Variants in NRXN3 observed in about 807,000 individuals in gnomAD.
NRXN3 encodes neurexin III.
Under a neutral mutation model 137.6 loss-of-function variants are expected in NRXN3, and 32 were observed. The observed-to-expected ratio is 0.23, with a 90% CI of 0.18 to 0.31. NRXN3 has a LOEUF of 0.31. Among genes scored for constraint, NRXN3 ranks in the 10% least tolerant of loss-of-function variants. NRXN3 has a pLI of 1.00. For missense variants in NRXN3, 1,574 were observed against 2,062.5 expected (o/e 0.76, Z 4.59); for synonymous variants, 798 against 784.5 (o/e 1.02, Z -0.29).
intron 14 of NRXN3, among the ~76,000 whole-genome samples, chr14:78,973,468 A>G (rs2153021138): frequency 6.6e-6 from 1 of 152,272 alleles, no homozygotes; most frequent in East Asian, 1.9e-4. Context: ...GGGAGACACT[A>G]ATGTCATTAA....
At chr14:79,813,532 G>A (rs1263693510) in intron 20 of NRXN3, among the ~76,000 whole-genome samples, 1 of 151,840 alleles carries the variant, frequency 6.6e-6, no homozygotes, top group Non-Finnish European at 1.5e-5. Context: ...CAAATACTGA[G>A]AGATATATAG....
chr14:79,253,509 G>A (rs1157500391), intron 15 of NRXN3, among the ~76,000 whole-genome samples: 1 of 152,136 alleles, frequency 6.6e-6, no homozygotes, highest in African/African-American at 2.4e-5. Context: ...CTAACCAAGT[G>A]TATTAGTTTC....
At chr14:79,305,677 A>G (rs1237023462) in intron 15 of NRXN3, among the ~76,000 whole-genome samples, 1 of 151,966 alleles carries the variant, frequency 6.6e-6, no homozygotes, top group Non-Finnish European at 1.5e-5. Flanking sequence ...TAACTTACCA[A>G]TTTCACCTAA....
intron 6 of NRXN3, among the ~76,000 whole-genome samples, chr14:78,697,381 A>G (rs2098237566): frequency 6.6e-6 from 1 of 152,074 alleles, no homozygotes; most frequent in African/African-American, 2.4e-5. Flanking sequence ...TTATAATAAA[A>G]GACTATTGAA....
Position 78,919,641 on chromosome 14 carries a change from A to C in NRXN3, c.2276-37601A>C, listed in dbSNP as rs73323355. ...CTACATATCTCATTTAGTTTTCATA[A>C]TGGAGATTTTCTAATGCATGTTTTA... On this transcript the variant is annotated intron_variant, in intron 10 of 20. Transcript: ENST00000335750. Among the ~76,000 whole-genome samples the C allele has an allele frequency of 7.1e-3, 1,084 of 152,264 alleles. 20 individuals carry two copies. The highest frequency in any genetic ancestry group is 0.025 in the African/African-American group (1,034 of 41,552).
At chr14:79,654,184 A>G (rs1326712283) in intron 16 of NRXN3, among the ~76,000 whole-genome samples, 2 of 152,130 alleles carry the variant, frequency 1.3e-5, no homozygotes, top group Non-Finnish European at 2.9e-5. Context: ...CTTTCTTCCA[A>G]TAGGTGAATG....
At chr14:78,515,304 C>T (rs1159722216) in intron 4 of NRXN3, among the ~76,000 whole-genome samples, 1 of 152,078 alleles carries the variant, frequency 6.6e-6, no homozygotes, top group East Asian at 1.9e-4. Flanking sequence ...AGAGTGGGGT[C>T]CCTATGCTCT....
chr14:79,142,183 C>G (rs1316568633), intron 15 of NRXN3, among the ~76,000 whole-genome samples: 3 of 152,094 alleles, frequency 2.0e-5, no homozygotes, highest in South Asian at 4.1e-4. Flanking sequence ...AATTCCAACA[C>G]TTTAGGAAGC....
At chr14:79,059,915 A>G (rs1352522001) in intron 15 of NRXN3, among the ~76,000 whole-genome samples, 4 of 152,162 alleles carry the variant, frequency 2.6e-5, no homozygotes, top group Non-Finnish European at 5.9e-5. Context: ...GTACTTCCCA[A>G]TATCCATACA....
At chr14:79,259,359 C>G (rs1229918915) in intron 15 of NRXN3, among the ~76,000 whole-genome samples, 1 of 152,024 alleles carries the variant, frequency 6.6e-6, no homozygotes, top group Non-Finnish European at 1.5e-5. Flanking sequence ...TTCTGTTTCA[C>G]ATGATCTCAT....
chr14:79,845,167 G>A (rs2099364412), intron 20 of NRXN3, among the ~76,000 whole-genome samples: 1 of 152,098 alleles, frequency 6.6e-6, no homozygotes, highest in South Asian at 2.1e-4. Flanking sequence ...TCTGCATTAG[G>A]GTTTGGTTAA....
intron 4 of NRXN3, among the ~76,000 whole-genome samples, chr14:78,622,451 A>T (rs2097415661): frequency 6.6e-6 from 1 of 152,120 alleles, no homozygotes; most frequent in Admixed American, 6.5e-5. Context: ...GATACTACAG[A>T]TCCATTTCAC....
At chr14:78,694,365 A>G (rs976981440) in intron 6 of NRXN3, among the ~76,000 whole-genome samples, 1 of 151,544 alleles carries the variant, frequency 6.6e-6, no homozygotes, top group Admixed American at 6.6e-5. Context: ...AGGGCCAATG[A>G]CTCTTTTCTG....
chr14:78,445,322 A>G (rs2094388482), intron 4 of NRXN3, among the ~76,000 whole-genome samples: 1 of 152,216 alleles, frequency 6.6e-6, no homozygotes, highest in Non-Finnish European at 1.5e-5. Flanking sequence ...TCTCTCCGGA[A>G]CTCAGGTTGT....
At chr14:78,866,794 CTTTTTTT>C (rs1208179961) in intron 10 of NRXN3, among the ~76,000 whole-genome samples, 1 of 119,120 alleles carries the variant, frequency 8.4e-6, no homozygotes, top group Non-Finnish European at 1.7e-5. Flanking sequence ...TTACCTTCAT[CTTTTTTT>C]TTTTTTTTTT....
chr14:78,475,221 T>G lies in NRXN3; in HGVS notation c.758-169899T>G, dbSNP rs548310774. Among the ~76,000 whole-genome samples the G allele has an allele frequency of 1.4e-3, 36 of 26,096 alleles. No individual in the cohort carries two copies. In the Admixed American group the frequency reaches 0.018, roughly 13 times the overall value. The allele number at this position is 26,096 out of a possible 152,430, so 17.1% of individuals were successfully genotyped here. A position where few individuals can be genotyped will look rare whatever the true frequency, so the allele number is the denominator to read the frequency against. On this transcript the variant is annotated intron_variant, in intron 4 of 20. Transcript: ENST00000335750. ...AAAAAGCATTTTATTAGCATTATCT[T>G]TGTGGATATTCCCCTTTCAGATGAT...
chr14:79,236,297 G>A (rs1428225341), intron 15 of NRXN3, among the ~76,000 whole-genome samples: 1 of 151,980 alleles, frequency 6.6e-6, no homozygotes, highest in Non-Finnish European at 1.5e-5. Flanking sequence ...TTTATATGGT[G>A]TATATAGGTA....
In NRXN3 at chr14:78,972,012, G is replaced by A. The variant is rs199673409; in HGVS notation, c.3142+3666G>A. ...AGTATTTGATTTTATGTCTCTGATA[G>A]ATGCAAAGTGTATAATTTAGATATT... On this transcript the variant is annotated intron_variant, in intron 14 of 20. Coordinates refer to ENST00000335750, the MANE Select transcript of NRXN3 (RefSeq NM_001330195.2). Among the ~76,000 whole-genome samples, 10 of 152,180 alleles carry A rather than the reference G, an allele frequency of 6.6e-5. 1 individual carries two copies. In the East Asian group the frequency reaches 1.3e-3, roughly 21 times the overall value.
intron 4 of NRXN3, among the ~76,000 whole-genome samples, chr14:78,589,646 C>T (rs1475381867): frequency 3.3e-5 from 5 of 152,170 alleles, no homozygotes; most frequent in African/African-American, 9.7e-5. Context: ...CTTGTTTCCT[C>T]AGCTGGATTG....
Sources: gnomAD v4.1 joint callset for allele counts (sites outside exome capture counted in the v4.1 genomes callset) on GRCh38, gnomAD v4.1.1 for gene constraint, MANE v1.5 for transcripts, NCBI Gene and HGNC (gene_info 2026-07-23, HGNC 2026-07-21) for gene names.